Variants in TSC22D3 observed in about 807,000 individuals in gnomAD.
The protein encoded by TSC22D3 is TSC22 domain family member 3, also known as TSC22 domain family protein 3.
Under a neutral mutation model 11.1 loss-of-function variants are expected in TSC22D3, and 4 were observed. The observed-to-expected ratio is 0.36, with a 90% CI of 0.18 to 0.83. The LOEUF (loss-of-function observed/expected upper bound fraction) is 0.83, where lower values mean the gene tolerates loss of function less well. TSC22D3 is among the 40% of genes least tolerant of loss of function. The pLI is 0.48. For synonymous variants in TSC22D3, 77 were observed against 70.3 expected (o/e 1.10, Z -0.48); for missense variants, 118 against 159.4 (o/e 0.74, Z 1.40).
intron 1 of TSC22D3, among the ~76,000 whole-genome samples, chrX:107,769,381 T>A (rs933458565): frequency 8.9e-6 from 1 of 112,206 alleles, no homozygotes; most frequent in African/African-American, 3.2e-5. Context: ...GTGAAAGAAA[T>A]CAGACACAAA....
At chrX:107,722,449 A>G (rs1024564401) in intron 1 of TSC22D3, among the ~76,000 whole-genome samples, 1 of 112,379 alleles carries the variant, frequency 8.9e-6, no homozygotes, top group Non-Finnish European at 1.9e-5. Context: ...GCCCTCACTC[A>G]GAGAAGTAAA....
At chrX:107,722,036 A>G (rs921715837) in intron 1 of TSC22D3, 4 of 356,251 alleles carry the variant, frequency 1.1e-5, no homozygotes, top group African/African-American at 7.8e-5. Flanking sequence ...GAAAATCCCC[A>G]AAGTCCAGAA....
At chrX:107,756,249 G>A (rs867653577) in intron 1 of TSC22D3, among the ~76,000 whole-genome samples, 2 of 112,001 alleles carry the variant, frequency 1.8e-5, no homozygotes, top group African/African-American at 6.5e-5. Context: ...TCTGAGTATT[G>A]TTGTTTACTT....
chrX:107,746,719 C>A (rs1295369592), intron 1 of TSC22D3, among the ~76,000 whole-genome samples: 1 of 112,120 alleles, frequency 8.9e-6, no homozygotes, highest in East Asian at 2.8e-4. Context: ...CCCTTCCACC[C>A]ACTCAAGTCC....
At chrX:107,767,580 C>T (rs906806064) in intron 1 of TSC22D3, among the ~76,000 whole-genome samples, 5 of 112,544 alleles carry the variant, frequency 4.4e-5, no homozygotes, top group African/African-American at 1.6e-4. Context: ...GAAAAGCTTG[C>T]TTTCTGCTCT....
intron 1 of TSC22D3, among the ~76,000 whole-genome samples, chrX:107,730,678 C>T (rs769321488): frequency 1.6e-4 from 18 of 111,912 alleles, no homozygotes; most frequent in Non-Finnish European, 2.8e-4. Flanking sequence ...GGACAAAAGA[C>T]CAGTATAATC....
chrX:107,766,716 G>C (rs952293282), intron 1 of TSC22D3, among the ~76,000 whole-genome samples: 4 of 111,138 alleles, frequency 3.6e-5, no homozygotes, highest in African/African-American at 1.3e-4. Context: ...GACCGGGTCA[G>C]GCTTTGCTGC....
At position 107,714,511 on chromosome X, in the gene TSC22D3, A is replaced by T. The variant is rs1017346716; in HGVS notation, c.*8T>A. 2 of 1,206,355 alleles carry T rather than the reference A, an allele frequency of 1.7e-6. No homozygotes were observed. The highest frequency in any genetic ancestry group is 3.5e-5 in the African/African-American group (2 of 57,729). On this transcript the variant is annotated 3_prime_UTR_variant, in exon 3 of 3. Transcript: ENST00000372383. ...TAGTGGCTCTGCCCACCCTGAGGAC[A>T]GAGCCACTTACACCGCAGAACCACC...
intron 1 of TSC22D3, among the ~76,000 whole-genome samples, chrX:107,745,906 C>T (rs1410045419): frequency 1.8e-5 from 2 of 112,398 alleles, no homozygotes; most frequent in Non-Finnish European, 3.8e-5. Context: ...TAAGAGTTCT[C>T]TTGAAGGCAC....
Position 107,775,187 on chromosome X carries a change from A to G in TSC22D3, c.233T>C (p.Leu78Pro). 2.5e-6 allele frequency: 3 copies of G among 1,212,179 alleles called. No homozygotes were observed. The highest frequency in any genetic ancestry group is 3.5e-5 in the South Asian group (2 of 57,011). The change falls in exon 1 of 3, where the codon CTG (leucine) becomes CCG (proline). Residue 78 changes from leucine (L) to proline (P), a missense_variant. Leu to Pro is a moderately conservative substitution (Grantham distance 98). Transcript: ENST00000372383. ...IMRQDSLEPVLRDPCYLINEG... is the reference protein window; with the variant it reads ...IMRQDSLEPVPRDPCYLINEG... ...GTTGATCAGGTAGCAGGGGTCCCGC[A>G]GCACCGGCTCTAGCGAATCCTGCCG...
At chrX:107,763,596 A>G (rs1445627030) in intron 1 of TSC22D3, among the ~76,000 whole-genome samples, 1 of 111,786 alleles carries the variant, frequency 8.9e-6, no homozygotes, top group African/African-American at 3.3e-5. Flanking sequence ...CCCAGAAAGG[A>G]GTGCAGCCTG....
In TSC22D3 at chrX:107,762,820, T is replaced by TA. The variant is rs368824110; in HGVS notation, c.320+12279dup. ...GTTGTGACTTTTCTTATATTTGCTT[T>TA]AAAAAAAAAAAAACCTGCACATGTA... On this transcript the variant is annotated intron_variant, in intron 1 of 2. Coordinates refer to ENST00000372383, the MANE Select transcript of TSC22D3 (RefSeq NM_198057.3). 4.0e-3 allele frequency among the ~76,000 whole-genome samples: 361 copies of TA among 89,897 alleles called. 4 individuals carry two copies. The highest frequency in any genetic ancestry group is 0.014 in the Admixed American group (114 of 7,984). 78.1% of individuals were successfully genotyped at this position (89,897 alleles called of 115,157 possible).
chrX:107,735,892 T>G (rs1331404615), intron 1 of TSC22D3, among the ~76,000 whole-genome samples: 1 of 112,049 alleles, frequency 8.9e-6, no homozygotes, highest in Admixed American at 9.5e-5. Context: ...TTTTACATAT[T>G]CAAAGAGATG....
chrX:107,728,779 T>C (rs769748354), intron 1 of TSC22D3, among the ~76,000 whole-genome samples: 1 of 112,365 alleles, frequency 8.9e-6, no homozygotes, highest in Non-Finnish European at 1.9e-5. Flanking sequence ...AAAATCTTTC[T>C]CAGAAGGGGA....
intron 1 of TSC22D3, among the ~76,000 whole-genome samples, chrX:107,739,739 G>T (rs1263876290): frequency 8.9e-6 from 1 of 112,626 alleles, no homozygotes; most frequent in Admixed American, 9.3e-5. Context: ...GGGATAATGG[G>T]TTCAGCTCTG....
chrX:107,766,970 A>C (rs1000925988), intron 1 of TSC22D3, among the ~76,000 whole-genome samples: 5 of 110,932 alleles, frequency 4.5e-5, no homozygotes, highest in Non-Finnish European at 9.4e-5. Context: ...AGTGAGGCTA[A>C]ACGGCAGCGC....
chrX:107,729,495 G>C (rs1927789081), intron 1 of TSC22D3, among the ~76,000 whole-genome samples: 1 of 112,402 alleles, frequency 8.9e-6, no homozygotes, highest in African/African-American at 3.2e-5. Context: ...AGCCCTGGCA[G>C]CAGAAACAAT....
chrX:107,746,417 C>T (rs1432645066), intron 1 of TSC22D3, among the ~76,000 whole-genome samples: 1 of 111,186 alleles, frequency 9.0e-6, no homozygotes, highest in Admixed American at 9.5e-5. Context: ...GACACACACA[C>T]ACAGACATAC....
intron 1 of TSC22D3, among the ~76,000 whole-genome samples, chrX:107,762,762 T>C (rs1021596226): frequency 9.3e-6 from 1 of 107,166 alleles, no homozygotes; most frequent in Non-Finnish European, 1.9e-5. Context: ...CTCTTCCCAG[T>C]GTGGTTGGGA....
Sources: allele counts gnomAD v4.1 joint callset (sites outside exome capture counted in the v4.1 genomes callset), GRCh38; gene constraint gnomAD v4.1.1; transcripts MANE v1.5; gene names NCBI Gene and HGNC (gene_info 2026-07-23, HGNC 2026-07-21).